The following GKAP1 variants were observed in gnomAD, a reference collection of about 807,000 sequenced individuals.
The protein encoded by GKAP1 is G kinase-anchoring protein 1.
A neutral mutation model predicts 56.7 loss-of-function variants in GKAP1; 31 were observed. The ratio of observed to expected loss-of-function variants is 0.55; its 90% CI spans 0.41 to 0.74. GKAP1 has a LOEUF of 0.74. GKAP1 is among the 30% of genes least tolerant of loss of function. The pLI, the probability that GKAP1 is intolerant of heterozygous loss-of-function variation, is 0.00. For missense variants in GKAP1, 364 were observed against 402.3 expected, an observed-to-expected ratio of 0.90 and a Z score of 0.82; for synonymous variants, 151 against 138.6, an observed-to-expected ratio of 1.09 and a Z score of -0.63.
intron 10 of GKAP1, 21 bp downstream of exon 10, chr9:83,748,288 A>C (rs370560418): frequency 1.3e-6 from 2 of 1,528,826 alleles, no homozygotes; most frequent in African/African-American, 2.8e-5. Flanking sequence ...TTTTAATTAC[A>C]AAAACATAAA....
At chr9:83,750,858 A>G (rs1296564225) in intron 9 of GKAP1, among the ~76,000 whole-genome samples, 1 of 152,034 alleles carries the variant, frequency 6.6e-6, no homozygotes, top group Non-Finnish European at 1.5e-5. Context: ...TTTTTTCGAG[A>G]TGGAGTCTCA....
At chr9:83,809,251 C>A (rs1410705500) in intron 2 of GKAP1, among the ~76,000 whole-genome samples, 3 of 152,196 alleles carry the variant, frequency 2.0e-5, no homozygotes, top group African/African-American at 4.8e-5. Flanking sequence ...AGCTATCTTA[C>A]CAGGGTATCC....
chr9:83,762,696 C>T (rs932112036), intron 8 of GKAP1, among the ~76,000 whole-genome samples: 1 of 152,156 alleles, frequency 6.6e-6, no homozygotes, highest in Non-Finnish European at 1.5e-5. Flanking sequence ...GGCATAAACA[C>T]ACACACACAG....
chr9:83,768,186 A>G lies in GKAP1; in HGVS notation c.738+632T>C, dbSNP rs116266803. Among the ~76,000 whole-genome samples the G allele has an allele frequency of 6.9e-3, 1,046 of 152,240 alleles. 16 individuals carry two copies. Among genetic ancestry groups the G allele is most frequent in the African/African-American group, 0.024 (1,001 of 41,556 alleles). On this transcript the variant is annotated intron_variant, in intron 8 of 12. Coordinates refer to ENST00000376371, the MANE Select transcript of GKAP1 (RefSeq NM_025211.4). Reference sequence around the variant, plus strand: ...TCTATGTCTCCAGTCATGTCATCCCACACTTGCTTAACTGTAAACTTCTTA... The same window carrying G: ...TCTATGTCTCCAGTCATGTCATCCCGCACTTGCTTAACTGTAAACTTCTTA...
chr9:83,756,429 C>G (rs1355035135), intron 8 of GKAP1, among the ~76,000 whole-genome samples: 4 of 137,884 alleles, frequency 2.9e-5, no homozygotes, highest in African/African-American at 1.1e-4. Flanking sequence ...TGAGATTGCG[C>G]TACTGCACTC....
intron 3 of GKAP1, among the ~76,000 whole-genome samples, chr9:83,803,716 C>T (rs1217278364): frequency 4.7e-5 from 7 of 149,200 alleles, no homozygotes; most frequent in Admixed American, 4.0e-4. Flanking sequence ...GGCAGCCCAT[C>T]GTCTGGGACG....
intron 8 of GKAP1, among the ~76,000 whole-genome samples, chr9:83,760,727 T>A (rs570555662): frequency 6.6e-6 from 1 of 152,134 alleles, no homozygotes; most frequent in Non-Finnish European, 1.5e-5. Flanking sequence ...TTAGAAACTA[T>A]ACAAATACAT....
rs112265247 is a variant in GKAP1, at chr9:83,784,092, C to T, written c.562+623G>A. On this transcript the variant is annotated intron_variant, in intron 6 of 12. Coordinates refer to ENST00000376371, the MANE Select transcript of GKAP1 (RefSeq NM_025211.4). ...CCACCCTGGGCAAGATGGTGAAACC[C>T]TGTCTCTACTAAAAAATACAAAAGA... 9.4e-3 allele frequency among the ~76,000 whole-genome samples: 1,256 copies of T among 133,486 alleles called. 20 individuals are homozygous for T. Among genetic ancestry groups the T allele is most frequent in the African/African-American group, 0.03 (1,191 of 39,104 alleles). The allele number at this position is 133,486 out of a possible 152,430, so 87.6% of individuals were successfully genotyped here.
At chr9:83,764,521 CAG>C (rs1943628904) in intron 8 of GKAP1, among the ~76,000 whole-genome samples, 2 of 152,048 alleles carry the variant, frequency 1.3e-5, no homozygotes, top group African/African-American at 4.8e-5. Flanking sequence ...ATTGGTACCA[CAG>C]AGAGTCAGGG....
chr9:83,745,885 T>C (rs1291973881), intron 10 of GKAP1, among the ~76,000 whole-genome samples: 2 of 151,986 alleles, frequency 1.3e-5, no homozygotes, highest in African/African-American at 4.8e-5. Context: ...CTGCCTCCTG[T>C]GTTCAAGTGA....
chr9:83,776,826 A>C (rs1371161829), intron 7 of GKAP1, among the ~76,000 whole-genome samples: 3 of 152,190 alleles, frequency 2.0e-5, no homozygotes, highest in African/African-American at 7.2e-5. Context: ...AATTTTAGAA[A>C]TCAACAGATC....
chr9:83,774,701 CCTTTTTT>C (rs1194383368), intron 7 of GKAP1, among the ~76,000 whole-genome samples: 13 of 100,972 alleles, frequency 1.3e-4, no homozygotes, highest in East Asian at 3.2e-4. Flanking sequence ...ACAGAAACCC[CCTTTTTT>C]TTTTTTTTTT....
At chr9:83,757,616 T>C (rs978146204) in intron 8 of GKAP1, among the ~76,000 whole-genome samples, 8 of 152,166 alleles carry the variant, frequency 5.3e-5, no homozygotes, top group African/African-American at 1.9e-4. Context: ...GGGCACAGCA[T>C]GGCATGATGG....
At chr9:83,798,414 T>C (rs901028709) in intron 4 of GKAP1, among the ~76,000 whole-genome samples, 5 of 152,210 alleles carry the variant, frequency 3.3e-5, no homozygotes, top group African/African-American at 1.2e-4. Context: ...TGACATTTAA[T>C]AGAGACATAG....
chr9:83,752,861 AGGAGT>A (rs1163517094), intron 9 of GKAP1, among the ~76,000 whole-genome samples: 1 of 152,108 alleles, frequency 6.6e-6, no homozygotes, highest in African/African-American at 2.4e-5. Context: ...TCTTGAGGCC[AGGAGT>A]TCGTGACCAG....
At chr9:83,747,965 C>T (rs1943322012) in intron 10 of GKAP1, among the ~76,000 whole-genome samples, 1 of 152,012 alleles carries the variant, frequency 6.6e-6, no homozygotes, top group South Asian at 2.1e-4. Context: ...TCTGGGAAAC[C>T]TTTCTACTTT....
At chr9:83,803,666 G>A (rs538301859) in intron 3 of GKAP1, among the ~76,000 whole-genome samples, 3 of 151,078 alleles carry the variant, frequency 2.0e-5, no homozygotes, top group East Asian at 2.0e-4. Flanking sequence ...GCCTCTGCCC[G>A]GCCGCCACCC....
intron 2 of GKAP1, among the ~76,000 whole-genome samples, chr9:83,814,965 A>G (rs1326952014): frequency 6.6e-6 from 1 of 152,032 alleles, no homozygotes; most frequent in East Asian, 1.9e-4. Flanking sequence ...CAAGGTCAAG[A>G]GATCGAGACC....
At chr9:83,798,085 G>A (rs1944276374) in intron 4 of GKAP1, among the ~76,000 whole-genome samples, 1 of 152,132 alleles carries the variant, frequency 6.6e-6, no homozygotes, top group African/African-American at 2.4e-5. Flanking sequence ...ATGAGCCTGA[G>A]GCACTGCAAA....
Sources: allele counts gnomAD v4.1 joint callset (sites outside exome capture counted in the v4.1 genomes callset), GRCh38; gene constraint gnomAD v4.1.1; transcripts MANE v1.5; gene names NCBI Gene and HGNC (gene_info 2026-07-23, HGNC 2026-07-21).